Variants in SCARA3 observed in about 807,000 individuals in gnomAD.
SCARA3 encodes the protein cellular stress response gene protein.
Under a neutral mutation model 47.0 loss-of-function variants are expected in SCARA3, and 39 were observed. That is an observed-to-expected ratio of 0.83 (90% CI 0.64 to 1.08). The LOEUF is 1.08. Ranked by LOEUF, SCARA3 falls within the 50% of genes least tolerant of loss-of-function variation. The pLI is 0.00. For missense variants in SCARA3, 724 were observed against 792.3 expected (o/e 0.91, Z 1.04); for synonymous variants, 356 against 334.1 (o/e 1.07, Z -0.71).
chr8:27,664,434 G>A (rs1318265811), intron 5 of SCARA3, among the ~76,000 whole-genome samples: 1 of 152,174 alleles, frequency 6.6e-6, no homozygotes, highest in African/African-American at 2.4e-5. Context: ...ATGGGGGAGG[G>A]AGTTTAAAGG....
the SCARA3 span, among the ~76,000 whole-genome samples, chr8:27,685,389 A>G: frequency 9.9e-5 from 15 of 152,216 alleles, no homozygotes; most frequent in African/African-American, 3.4e-4. Flanking sequence ...AAAGAAGTCA[A>G]AACTCCAATC....
chr8:27,643,360 G>T (rs905955103), intron 1 of SCARA3, among the ~76,000 whole-genome samples: 2 of 152,204 alleles, frequency 1.3e-5, no homozygotes, highest in Non-Finnish European at 2.9e-5. Context: ...TGGCTTTAGG[G>T]ATGCAGGAGC....
chr8:27,718,043 G>A, the SCARA3 span, among the ~76,000 whole-genome samples: 3 of 152,168 alleles, frequency 2.0e-5, no homozygotes, highest in Non-Finnish European at 2.9e-5. Context: ...TGAGCAGTCC[G>A]CACACGCATG....
chr8:27,688,339 A>G, the SCARA3 span, among the ~76,000 whole-genome samples: 1 of 151,898 alleles, frequency 6.6e-6, no homozygotes, highest in East Asian at 1.9e-4. Flanking sequence ...AAGGAGGGGG[A>G]AAGTGAATAC....
At chr8:27,648,538 AG>A (rs2128917610) in intron 1 of SCARA3, among the ~76,000 whole-genome samples, 1 of 152,188 alleles carries the variant, frequency 6.6e-6, no homozygotes, top group South Asian at 2.1e-4. Flanking sequence ...CAGGTGGCAG[AG>A]CTTGCAGTGA....
chr8:27,670,078 G>GT (rs1315658234), intron 5 of SCARA3, among the ~76,000 whole-genome samples: 2 of 152,096 alleles, frequency 1.3e-5, no homozygotes, highest in African/African-American at 2.4e-5. Context: ...AGGAAGGGCC[G>GT]TATCTTCATC....
chr8:27,732,829 T>C, the SCARA3 span, among the ~76,000 whole-genome samples: 6 of 152,210 alleles, frequency 3.9e-5, no homozygotes, highest in East Asian at 1.2e-3. Flanking sequence ...GGAGAAAAAC[T>C]TGTATGTTTG....
At chr8:27,713,583 T>C in the SCARA3 span, among the ~76,000 whole-genome samples, 1 of 152,204 alleles carries the variant, frequency 6.6e-6, no homozygotes, top group Non-Finnish European at 1.5e-5. Context: ...GATCCTTATT[T>C]GCTTTGATGC....
chr8:27,692,284 G>A, the SCARA3 span, among the ~76,000 whole-genome samples: 1 of 152,232 alleles, frequency 6.6e-6, no homozygotes, highest in East Asian at 1.9e-4. Flanking sequence ...GCCGGGTGTG[G>A]TGGCACATGC....
the SCARA3 span, chr8:27,701,523 A>G: frequency 6.6e-6 from 1 of 151,884 alleles, no homozygotes; most frequent in Non-Finnish European, 1.5e-5. Flanking sequence ...ATGCTTTTTC[A>G]TTCTTTCATT....
the SCARA3 span, among the ~76,000 whole-genome samples, chr8:27,682,973 C>G: frequency 6.6e-6 from 1 of 151,566 alleles, no homozygotes; most frequent in Non-Finnish European, 1.5e-5. Context: ...AATTATTGTA[C>G]AAGAATATTC....
At position 27,658,963 on chromosome 8, in the gene SCARA3, C is replaced by T; in HGVS notation, c.793C>T (p.Leu265=). 6.2e-7 allele frequency: 1 copy of T among 1,614,170 alleles called. No individual in the cohort carries two copies. Among genetic ancestry groups the T allele is most frequent in the African/African-American group, 1.3e-5 (1 of 75,054 alleles). ...WQNYTRLFSG[L]RTTSTKTGEA... is the part of the protein sequence containing the mutation. Reference sequence around the variant, plus strand: ...GAACTACACACGGCTCTTCAGCGGCCTGCGCACCACCTCCACCAAGACTGG... The same window carrying T: ...GAACTACACACGGCTCTTCAGCGGCTTGCGCACCACCTCCACCAAGACTGG... Residue 265 remains leucine (L), a synonymous_variant, in exon 5 of 6, where the codon CTG becomes TTG. Coordinates refer to ENST00000301904, the MANE Select transcript of SCARA3 (RefSeq NM_016240.3).
chr8:27,690,666 A>AT, the SCARA3 span, among the ~76,000 whole-genome samples: 1 of 152,212 alleles, frequency 6.6e-6, no homozygotes, highest in Non-Finnish European at 1.5e-5. Context: ...AAGAGCTATC[A>AT]TTTGTGTGAA....
chr8:27,683,768 G>A, the SCARA3 span, among the ~76,000 whole-genome samples: 1 of 152,080 alleles, frequency 6.6e-6, no homozygotes, highest in Admixed American at 6.6e-5. Flanking sequence ...ACAGGAGAAT[G>A]GGTAAGTAAA....
chr8:27,637,954 G>A (rs1228998915), intron 1 of SCARA3, among the ~76,000 whole-genome samples: 3 of 152,074 alleles, frequency 2.0e-5, no homozygotes, highest in African/African-American at 7.2e-5. Flanking sequence ...AGCTGATGTG[G>A]TGAAGGTGAA....
At chr8:27,682,039 C>T in the SCARA3 span, among the ~76,000 whole-genome samples, 3 of 151,702 alleles carry the variant, frequency 2.0e-5, no homozygotes, top group Admixed American at 2.0e-4. Context: ...TTGCTTGTTA[C>T]TATAAAGATA....
At chr8:27,691,086 G>A in the SCARA3 span, among the ~76,000 whole-genome samples, 1 of 152,216 alleles carries the variant, frequency 6.6e-6, no homozygotes, top group Non-Finnish European at 1.5e-5. Flanking sequence ...ATCAGATATA[G>A]AAGGGAGAGC....
At chr8:27,716,993 G>C in the SCARA3 span, among the ~76,000 whole-genome samples, 1 of 152,242 alleles carries the variant, frequency 6.6e-6, no homozygotes, top group South Asian at 2.1e-4. Context: ...CCAGAAAATA[G>C]TGCAAGAATC....
chr8:27,649,914 C>A, intron 2 of SCARA3, 114 bp downstream of exon 2: 2 of 826,636 alleles, frequency 2.4e-6, no homozygotes, highest in Non-Finnish European at 3.8e-6. Flanking sequence ...CCTGGGTGTC[C>A]TTTCCCCACT....
Sources: allele counts gnomAD v4.1 joint callset (sites outside exome capture counted in the v4.1 genomes callset), GRCh38; gene constraint gnomAD v4.1.1; transcripts MANE v1.5; gene names NCBI Gene and HGNC (gene_info 2026-07-23, HGNC 2026-07-21).